The following FYCO1 variants were observed in gnomAD, a reference collection of about 807,000 sequenced individuals.
FYCO1 encodes the protein FYVE and coiled-coil domain autophagy adaptor 1, also known as FYVE and coiled-coil domain-containing protein 1.
FYCO1 carries 122 observed loss-of-function variants against 165.1 expected under a neutral mutation model. The observed-to-expected ratio is 0.74, with a 90% CI of 0.64 to 0.86. The LOEUF (loss-of-function observed/expected upper bound fraction) is 0.86. Among genes scored for constraint, FYCO1 ranks in the 40% least tolerant of loss-of-function variants. The probability of loss-of-function intolerance (pLI) is 0.00; values close to 1 mark genes in which losing one functional copy is unlikely to be tolerated. For synonymous variants in FYCO1, 648 were observed against 742.5 expected (o/e 0.87, Z 2.07); for missense variants, 1,702 against 1,810.3 (o/e 0.94, Z 1.09).
At chr3:45,950,291 C>T (rs1289079530) in intron 14 of FYCO1, among the ~76,000 whole-genome samples, 1 of 152,108 alleles carries the variant, frequency 6.6e-6, no homozygotes, top group East Asian at 1.9e-4. Flanking sequence ...GTTCCCAACA[C>T]CTGGGGGTGG....
chr3:45,992,883 T>C lies in FYCO1; in HGVS notation c.-113+2839A>G, dbSNP rs147904159. On this transcript the variant is annotated intron_variant, in intron 1 of 17. Coordinates refer to ENST00000296137, the MANE Select transcript of FYCO1 (RefSeq NM_024513.4). ...TCAGCTATCCAGCCCTATCCTGGAC[T>C]TCACATAGGGATTCTTCTCTTGGCC... 1.0e-4 allele frequency among the ~76,000 whole-genome samples: 15 copies of C among 149,098 alleles called. No individual in the cohort carries two copies. The East Asian group carries it at 2.3e-3, about 23-fold the overall frequency.
intron 4 of FYCO1, among the ~76,000 whole-genome samples, chr3:45,978,742 A>G (rs1394907529): frequency 6.6e-6 from 1 of 152,166 alleles, no homozygotes; most frequent in Non-Finnish European, 1.5e-5. Flanking sequence ...GCACTCCTGG[A>G]TGGAATAGGC....
chr3:45,932,892 T>G (rs1196829013), intron 15 of FYCO1, among the ~76,000 whole-genome samples: 1 of 152,198 alleles, frequency 6.6e-6, no homozygotes, highest in Non-Finnish European at 1.5e-5. Flanking sequence ...ACAGACATCT[T>G]TCTTGTAATG....
Position 45,959,557 on chromosome 3 carries a change from C to T in FYCO1, c.3438-15G>A, listed in dbSNP as rs760267728. On this transcript the variant is annotated splice_polypyrimidine_tract_variant and intron_variant, in intron 11 of 17. Transcript: ENST00000296137. ...CATCCTTGTCCCTGGGACAAAACCA[C>T]ATTGGAAGAAAAGGAGAGAGAATCC... 6.2e-7 allele frequency: 1 copy of T among 1,613,268 alleles called. No individual in the cohort carries two copies. The highest frequency in any genetic ancestry group is 1.1e-5 in the South Asian group (1 of 91,048).
Position 45,967,472 on chromosome 3 carries a change from A to G in FYCO1, c.1862T>C (p.Leu621Pro). The G allele has an allele frequency of 6.2e-7, 1 of 1,613,500 alleles. No individual in the cohort carries two copies. Among genetic ancestry groups the G allele is most frequent in the Non-Finnish European group, 8.5e-7 (1 of 1,179,946 alleles). ...GACCACATTCTGTAGCTCCTTCTCC[A>G]GCTCCCTGTTGGCCTGCCGGAGCTC... Reference protein sequence around the residue: ...EEELRQANRELEKELQNVVGR... With the variant: ...EEELRQANREPEKELQNVVGR... Residue 621 changes from leucine to proline, a missense_variant, in exon 8 of 18, where the codon CTG becomes CCG. Leu to Pro is a moderately conservative substitution (Grantham distance 98). Transcript: ENST00000296137.
chr3:45,972,317 T>C (rs985660219), intron 6 of FYCO1, among the ~76,000 whole-genome samples: 6 of 152,156 alleles, frequency 3.9e-5, no homozygotes, highest in African/African-American at 1.2e-4. Context: ...AAAAAGGACA[T>C]CTGAATATGG....
intron 6 of FYCO1, among the ~76,000 whole-genome samples, chr3:45,971,584 A>G (rs1027444657): frequency 6.6e-6 from 1 of 152,228 alleles, no homozygotes; most frequent in Admixed American, 6.5e-5. Context: ...CACAACAGGT[A>G]AGGTATTCCT....
chr3:45,982,698 C>A (rs540487394), intron 2 of FYCO1, among the ~76,000 whole-genome samples: 1 of 152,310 alleles, frequency 6.6e-6, no homozygotes, highest in African/African-American at 2.4e-5. Context: ...AACCCTGCTC[C>A]CAAGAACCAT....
chr3:45,955,954 A>G (rs1440869934), intron 13 of FYCO1, among the ~76,000 whole-genome samples: 1 of 152,214 alleles, frequency 6.6e-6, no homozygotes, highest in Non-Finnish European at 1.5e-5. Flanking sequence ...TAGGAAGGCC[A>G]CTGTAGAAAT....
chr3:45,945,010 A>G (rs1704494654), intron 14 of FYCO1: 1 of 152,162 alleles, frequency 6.6e-6, no homozygotes, highest in Non-Finnish European at 1.5e-5. Context: ...TTGTGACGTA[A>G]GGGCAAGGAT....
chr3:45,989,852 A>T (rs542239024), intron 1 of FYCO1, among the ~76,000 whole-genome samples: 1 of 152,238 alleles, frequency 6.6e-6, no homozygotes, highest in South Asian at 2.1e-4. Context: ...TGGGGAAGCC[A>T]AGTCTTTTTT....
At chr3:45,991,306 C>A (rs545852230) in intron 1 of FYCO1, among the ~76,000 whole-genome samples, 1 of 152,158 alleles carries the variant, frequency 6.6e-6, no homozygotes, top group Non-Finnish European at 1.5e-5. Context: ...CACTGCCTAC[C>A]TAGCCTCTCT....
intron 4 of FYCO1, among the ~76,000 whole-genome samples, chr3:45,979,332 A>C (rs1455839128): frequency 1.3e-5 from 2 of 151,374 alleles, no homozygotes; most frequent in Non-Finnish European, 3.0e-5. Context: ...GCAGCATAGC[A>C]AACTCTAAAG....
chr3:45,990,905 T>TG (rs1707528937), intron 1 of FYCO1, among the ~76,000 whole-genome samples: 1 of 152,058 alleles, frequency 6.6e-6, no homozygotes, highest in Non-Finnish European at 1.5e-5. Context: ...CGTGAGTAGC[T>TG]GGGGCTACAG....
At chr3:45,994,965 C>T (rs1172698070) in intron 1 of FYCO1, among the ~76,000 whole-genome samples, 1 of 152,084 alleles carries the variant, frequency 6.6e-6, no homozygotes, top group East Asian at 1.9e-4. Flanking sequence ...AATACATGTG[C>T]TTTAACAGGG....
chr3:45,966,374 T>A lies in FYCO1; in HGVS notation c.2960A>T (p.Gln987Leu). Residue 987 changes from glutamine (Q) to leucine (L), a missense_variant, in exon 8 of 18, where the codon CAG (glutamine) becomes CTG (leucine). Gln to Leu is a moderately radical substitution (Grantham distance 113). Coordinates refer to ENST00000296137, the MANE Select transcript of FYCO1 (RefSeq NM_024513.4). ...GLQAQLAQAEQRAQSLQEAAH... is the reference protein window; with the variant it reads ...GLQAQLAQAELRAQSLQEAAH... ...AGCCTCTTGGAGGCTCTGGGCCCGCTGCTCTGCCTGGGCGAGCTGGGCCTG... is the reference window on the plus strand; with the variant it reads ...AGCCTCTTGGAGGCTCTGGGCCCGCAGCTCTGCCTGGGCGAGCTGGGCCTG... 6.2e-7 allele frequency: 1 copy of A among 1,614,128 alleles called. No individual in the cohort carries two copies. The highest frequency in any genetic ancestry group is 1.7e-5 in the Admixed American group (1 of 60,032).
chr3:45,978,277 A>T (rs950234147), intron 4 of FYCO1, among the ~76,000 whole-genome samples: 1 of 152,228 alleles, frequency 6.6e-6, no homozygotes, highest in African/African-American at 2.4e-5. Context: ...TGAAGAGAGG[A>T]GAGTGACAAA....
intron 4 of FYCO1, among the ~76,000 whole-genome samples, chr3:45,979,155 C>T (rs1486444514): frequency 6.6e-6 from 1 of 152,144 alleles, no homozygotes; most frequent in Admixed American, 6.5e-5. Flanking sequence ...CCACCGCGCC[C>T]GGCCTGTTCT....
rs1291237581 is a variant in FYCO1, at chr3:45,968,173, G to T, written c.1161C>A (p.Gly387=). The T allele has an allele frequency of 6.2e-7, 1 of 1,614,040 alleles. No homozygotes were observed. The highest frequency in any genetic ancestry group is 1.7e-5 in the Admixed American group (1 of 60,022). The stretch of plus-strand genomic sequence containing the variant: ...CATCACTGGGAATAGGTTCTTGCCG[G>T]CCCTTTGTGTCTGATGCCGTATCTG... ...QKADTASDTK[G]RQEPIPSDAA... The change falls in exon 8 of 18, where the codon GGC becomes GGA. Residue 387 remains glycine, a synonymous_variant. Transcript: ENST00000296137.
Sources: gnomAD v4.1 joint callset for allele counts (sites outside exome capture counted in the v4.1 genomes callset) on GRCh38, gnomAD v4.1.1 for gene constraint, MANE v1.5 for transcripts, NCBI Gene and HGNC (gene_info 2026-07-23, HGNC 2026-07-21) for gene names.